STK3: variants seen among roughly 807,000 people sequenced by gnomAD.
The protein encoded by STK3 is serine/threonine-protein kinase 3.
In STK3, 41 loss-of-function variants were observed where a neutral mutation model predicts 58.0. That is an observed-to-expected ratio of 0.71 (90% CI 0.55 to 0.92). STK3 has a LOEUF of 0.92. Ranked by LOEUF, STK3 falls within the 40% of genes least tolerant of loss-of-function variation. The pLI is 0.00. For synonymous variants in STK3, 170 were observed against 191.0 expected (o/e 0.89, Z 0.91); for missense variants, 479 against 602.7 (o/e 0.79, Z 2.15).
At chr8:98,737,105 A>T (rs1828660703) in intron 4 of STK3, among the ~76,000 whole-genome samples, 1 of 152,336 alleles carries the variant, frequency 6.6e-6, no homozygotes, top group Non-Finnish European at 1.5e-5. Flanking sequence ...CAATTTAAAG[A>T]TAAGCACAAA....
At chr8:98,598,892 G>T in intron 6 of STK3, 2 of 985,336 alleles carry the variant, frequency 2.0e-6, no homozygotes, top group Non-Finnish European at 2.4e-6. Flanking sequence ...GTTTAATAAC[G>T]CAAGAAATCT....
intron 6 of STK3, among the ~76,000 whole-genome samples, chr8:98,645,947 C>T (rs934907789): frequency 5.9e-5 from 9 of 152,140 alleles, no homozygotes; most frequent in Admixed American, 3.9e-4. Flanking sequence ...GGATTACAGG[C>T]GTGAGCTATC....
rs116423189 is a variant in STK3 at position 98,876,251 on chromosome 8, A to G, written c.110+7396T>C. Among the ~76,000 whole-genome samples, 949 of 152,280 alleles carry G rather than the reference A, an allele frequency of 6.2e-3. 15 individuals carry two copies. The highest frequency in any genetic ancestry group is 0.022 in the African/African-American group (913 of 41,544). On this transcript the variant is annotated intron_variant, in intron 3 of 12. Transcript: ENST00000523601. ...AGGGCTTGAGAGGTTGGGGAAGGAAAAGCCTTTTAATGACACCAGAAAACA... is the reference window on the plus strand; with the variant it reads ...AGGGCTTGAGAGGTTGGGGAAGGAAGAGCCTTTTAATGACACCAGAAAACA...
Position 98,706,596 on chromosome 8 carries a change from T to C in STK3, c.555A>G (p.Pro185=), listed in dbSNP as rs916502848. The C allele has an allele frequency of 1.7e-5, 27 of 1,612,250 alleles. No homozygotes were observed. The highest frequency in any genetic ancestry group is 2.2e-5 in the Non-Finnish European group (26 of 1,179,336). Reference sequence around the variant, plus strand: ...GAATCACCTCAGGAGCCATCCAAAATGGAGTTCCTATTACAGTATTGCGTT... The same window carrying C: ...GAATCACCTCAGGAGCCATCCAAAACGGAGTTCCTATTACAGTATTGCGTT... ...MAKRNTVIGT[P]FWMAPEVIQE... Residue 185 remains proline (P), a synonymous_variant, in exon 6 of 11, where the codon CCA becomes CCG. Transcript: ENST00000419617.
chr8:98,669,137 C>T (rs1489918576), intron 6 of STK3, among the ~76,000 whole-genome samples: 7 of 151,890 alleles, frequency 4.6e-5, no homozygotes, highest in Admixed American at 1.3e-4. Flanking sequence ...GCTGGGATTA[C>T]AGGCACGCAC....
At chr8:98,413,844 C>G in intron 3 of STK3, 1 of 561,820 alleles carries the variant, frequency 1.8e-6, no homozygotes, top group South Asian at 1.7e-5. Flanking sequence ...TGGGGCCGCC[C>G]AAGCCAGTAA....
chr8:98,429,096 AC>A, intron 3 of STK3: 1 of 1,613,292 alleles, frequency 6.2e-7, no homozygotes, highest in Non-Finnish European at 8.5e-7. Flanking sequence ...CGTCAGTATG[AC>A]CACAGTGGGG....
At position 98,618,135 on chromosome 8, in the gene STK3, C is replaced by G. The variant is rs887803645; in HGVS notation, c.685-21966G>C. On this transcript the variant is annotated intron_variant, in intron 6 of 10. Transcript: ENST00000419617. The stretch of plus-strand genomic sequence containing the variant: ...CCACCATGATCAAGTGGGCTTCATC[C>G]CTGGGATGCAAGGCTGGTTCAATAT... Among the ~76,000 whole-genome samples, 29 of 151,920 alleles carry G rather than the reference C, an allele frequency of 1.9e-4. 1 individual carries two copies. The highest frequency in any genetic ancestry group is 6.8e-4 in the African/African-American group (28 of 41,392).
At chr8:98,603,526 C>T (rs943293951) in intron 6 of STK3, among the ~76,000 whole-genome samples, 5 of 152,036 alleles carry the variant, frequency 3.3e-5, no homozygotes, top group Non-Finnish European at 5.9e-5. Context: ...TGTGAGCCAC[C>T]GCACCTGGCC....
intron 1 of STK3, among the ~76,000 whole-genome samples, chr8:98,926,204 G>T (rs983502318): frequency 2.6e-5 from 4 of 152,168 alleles, no homozygotes; most frequent in African/African-American, 9.7e-5. Flanking sequence ...AAGGGTTGGG[G>T]GGAGAGCAGC....
At chr8:98,782,455 TG>T in intron 1 of STK3, 1 of 265,540 alleles carries the variant, frequency 3.8e-6, no homozygotes, top group Admixed American at 3.9e-5. Context: ...TGGATTCTCA[TG>T]GAACACATCC....
intron 8 of STK3, among the ~76,000 whole-genome samples, chr8:98,559,837 GT>G (rs1459241922): frequency 6.6e-6 from 1 of 151,962 alleles, no homozygotes; most frequent in African/African-American, 2.4e-5. Context: ...ATAATTTGTT[GT>G]TTTTTCCCTT....
At chr8:98,719,676 C>T (rs1248840827) in intron 4 of STK3, among the ~76,000 whole-genome samples, 1 of 152,188 alleles carries the variant, frequency 6.6e-6, no homozygotes, top group Non-Finnish European at 1.5e-5. Flanking sequence ...AAAATTCTCA[C>T]TCATTTGGGC....
intron 3 of STK3, chr8:98,427,057 G>A (rs1818244907): frequency 6.6e-6 from 1 of 150,584 alleles, no homozygotes; most frequent in African/African-American, 2.4e-5. Flanking sequence ...CTGCCTCTCT[G>A]GGTGGGTGAG....
rs1476114841 is a variant in STK3, at chr8:98,546,964, G to A, written c.1141+1005C>T. Among the ~76,000 whole-genome samples, 4 of 152,260 alleles carry A rather than the reference G, an allele frequency of 2.6e-5. No homozygotes were observed. In the East Asian group the frequency reaches 5.8e-4, roughly 22 times the overall value. ...TGAGCCACGTGACTTGAAGTTATGG[G>A]TCAGACCTCATGGCGGAGTAGCAAA... is the stretch of plus-strand genomic sequence containing the variant. On this transcript the variant is annotated intron_variant, in intron 9 of 10. Transcript: ENST00000419617.
rs374241822 is a variant in STK3, at chr8:98,638,051, C to T, written c.685-41882G>A. ...TTAGGTGTGTTTCTAGAAATAAATACTAAACTCTCTGCTAATTTTTTTTGG... is the reference window on the plus strand; with the variant it reads ...TTAGGTGTGTTTCTAGAAATAAATATTAAACTCTCTGCTAATTTTTTTTGG... On this transcript the variant is annotated intron_variant, in intron 6 of 10. Coordinates refer to ENST00000419617, the MANE Select transcript of STK3 (RefSeq NM_006281.4). 2.2e-4 allele frequency among the ~76,000 whole-genome samples: 33 copies of T among 152,200 alleles called. No individual in the cohort carries two copies. The East Asian group carries it at 6.0e-3, about 28-fold the overall frequency.
At chr8:98,542,500 T>G (rs1227056076) in intron 9 of STK3, among the ~76,000 whole-genome samples, 1 of 151,746 alleles carries the variant, frequency 6.6e-6, no homozygotes, top group Non-Finnish European at 1.5e-5. Flanking sequence ...ACTAGCTTAC[T>G]AAAAAAAAGA....
intron 6 of STK3, among the ~76,000 whole-genome samples, chr8:98,648,941 C>T (rs902879559): frequency 6.6e-6 from 1 of 150,858 alleles, no homozygotes; most frequent in Non-Finnish European, 1.5e-5. Context: ...CCTGTAATCC[C>T]AGCTACTTGG....
chr8:98,886,697 A>G (rs917912199), intron 1 of STK3, among the ~76,000 whole-genome samples: 1 of 152,222 alleles, frequency 6.6e-6, no homozygotes. Flanking sequence ...CTCATTATCC[A>G]TAGGAGATTG....
Sources: allele counts gnomAD v4.1 joint callset (sites outside exome capture counted in the v4.1 genomes callset), GRCh38; gene constraint gnomAD v4.1.1; transcripts MANE v1.5; gene names NCBI Gene and HGNC (gene_info 2026-07-23, HGNC 2026-07-21).